The following CCNB3 variants were observed in gnomAD, a reference collection of about 807,000 sequenced individuals.
CCNB3 encodes G2/mitotic-specific cyclin-B3.
A neutral mutation model predicts 68.0 loss-of-function variants in CCNB3; 12 were observed. The ratio of observed to expected loss-of-function variants is 0.18; its 90% confidence interval spans 0.11 to 0.29. The LOEUF (loss-of-function observed/expected upper bound fraction) is 0.29, where lower values mean the gene tolerates loss of function less well. Among genes scored for constraint, CCNB3 ranks in the 10% least tolerant of loss-of-function variants. The pLI, the probability that CCNB3 is intolerant of heterozygous loss-of-function variation, is 1.00. For synonymous variants in CCNB3, 354 were observed against 388.9 expected (o/e 0.91, Z 1.06); for missense variants, 904 against 993.1 (o/e 0.91, Z 1.21).
chrX:50,296,298 T>G (rs1403412098), intron 5 of CCNB3, among the ~76,000 whole-genome samples: 2 of 80,744 alleles, frequency 2.5e-5, no homozygotes, highest in Admixed American at 1.5e-4. Context: ...CCCACAACAG[T>G]CCCCAGTGTG....
Position 50,309,168 on chromosome X carries a change from G to T in CCNB3, c.999G>T (p.Leu333Phe). The T allele has an allele frequency of 1.7e-6, 2 of 1,210,790 alleles. No homozygotes were observed. The highest frequency in any genetic ancestry group is 1.7e-5 in the African/African-American group (1 of 57,696). ...KETLFQELSV[L>F]QEKHTTEHEM... ...CACTTTTCCAAGAGCTATCTGTATT[G>T]CAAGAGAAACACACCACTGAGCATG... The change falls in exon 6 of 13, where the codon TTG becomes TTT. Residue 333 changes from leucine to phenylalanine, a missense_variant. Physicochemically the swap from Leu to Phe is conservative, Grantham distance 22. Coordinates refer to ENST00000376042, the MANE Select transcript of CCNB3 (RefSeq NM_033031.3).
chrX:50,338,551 A>G (rs1266423692), intron 8 of CCNB3, among the ~76,000 whole-genome samples: 1 of 111,959 alleles, frequency 8.9e-6, no homozygotes, highest in Non-Finnish European at 1.9e-5. Context: ...TCTGGTATCT[A>G]TAGATAACAT....
intron 8 of CCNB3, among the ~76,000 whole-genome samples, chrX:50,335,928 C>T (rs1471242151): frequency 9.0e-6 from 1 of 111,398 alleles, no homozygotes; most frequent in Non-Finnish European, 1.9e-5. Flanking sequence ...CTGAGAAGGT[C>T]CATGGTAGAC....
chrX:50,279,838 C>T (rs1343884915), intron 1 of CCNB3, among the ~76,000 whole-genome samples: 2 of 82,290 alleles, frequency 2.4e-5, no homozygotes, highest in East Asian at 3.6e-4. Flanking sequence ...AATACATATA[C>T]TTTATAAATA....
At chrX:50,341,329 CAATA>C (rs199995900) in intron 8 of CCNB3, among the ~76,000 whole-genome samples, 2,573 of 86,691 alleles carry the variant, frequency 0.03, 46 homozygotes, top group East Asian at 0.11. Context: ...AACTCCGTCT[CAATA>C]AATAAATAAA....
In CCNB3 at chrX:50,333,111, G is replaced by A. The variant is rs183431839; in HGVS notation, c.3517-9091G>A. 2.6e-4 allele frequency among the ~76,000 whole-genome samples: 29 copies of A among 111,373 alleles called. No homozygotes were observed. The East Asian group carries it at 7.4e-3, about 28-fold the overall frequency. Reference sequence around the variant, plus strand: ...TCCGATTCATTCGCTCCACCTTTCCGGAACTCTGAGGTCGGTAGGCGGCAT... The same window carrying A: ...TCCGATTCATTCGCTCCACCTTTCCAGAACTCTGAGGTCGGTAGGCGGCAT... On this transcript the variant is annotated intron_variant, in intron 8 of 12. Coordinates refer to ENST00000376042, the MANE Select transcript of CCNB3 (RefSeq NM_033031.3).
At chrX:50,311,846 G>A (rs1233684741) in intron 6 of CCNB3, among the ~76,000 whole-genome samples, 1 of 110,792 alleles carries the variant, frequency 9.0e-6, no homozygotes, top group Non-Finnish European at 1.9e-5. Context: ...TTGACTTCCT[G>A]ATTGGCACAG....
chrX:50,298,733 T>G (rs1234514574), intron 5 of CCNB3, among the ~76,000 whole-genome samples: 1 of 111,591 alleles, frequency 9.0e-6, no homozygotes, highest in Non-Finnish European at 1.9e-5. Context: ...GTACCTCTGG[T>G]AGAATTCGGC....
upstream of CCNB3, among the ~76,000 whole-genome samples, chrX:50,203,708 A>G (rs1935302379): frequency 8.9e-6 from 1 of 111,987 alleles, no homozygotes; most frequent in Non-Finnish European, 1.9e-5. Context: ...GGAGGGGGAA[A>G]ATAAAGGACT....
intron 8 of CCNB3, among the ~76,000 whole-genome samples, chrX:50,327,964 T>C (rs1320647887): frequency 2.7e-5 from 3 of 112,043 alleles, no homozygotes; most frequent in Non-Finnish European, 5.6e-5. Flanking sequence ...CAGAGAGTGA[T>C]ACAATGTGAG....
chrX:50,281,873 A>G (rs1936142431), intron 1 of CCNB3, among the ~76,000 whole-genome samples: 1 of 111,051 alleles, frequency 9.0e-6, no homozygotes, highest in African/African-American at 3.3e-5. Flanking sequence ...GAGGATGGAC[A>G]CGTGTCCTCA....
intron 6 of CCNB3, among the ~76,000 whole-genome samples, chrX:50,312,083 A>T (rs1315239041): frequency 2.7e-5 from 3 of 110,328 alleles, no homozygotes; most frequent in Non-Finnish European, 5.7e-5. Context: ...AATTTGAATA[A>T]TGAAGGGATG....
chrX:50,297,045 G>A, intron 5 of CCNB3, among the ~76,000 whole-genome samples: 1 of 111,235 alleles, frequency 9.0e-6, no homozygotes, highest in East Asian at 2.8e-4. Flanking sequence ...TGTCAGATGA[G>A]TAGGTTGCAA....
rs1557214750 is a variant in CCNB3 at position 50,310,891 on chromosome X, A to C, written c.2722A>C (p.Thr908Pro). 3 of 1,211,139 alleles carry C rather than the reference A, an allele frequency of 2.5e-6. No individual in the cohort carries two copies. The Admixed American group carries it at 6.5e-5, about 26-fold the overall frequency. ...AGAGAAGCCCAGCATTAAGAAAGAG[A>C]CCCTCCTCAAAAAGCCATTAGCCTT... ...LQEKPSIKKE[T>P]LLKKPLALKM... The change falls in exon 6 of 13, where the codon ACC becomes CCC. Residue 908 changes from threonine (T) to proline (P), a missense_variant. This residue lies in a region of CCNB3 where 285 missense variants were observed against 383.4 expected (regional missense o/e 0.74). Transcript: ENST00000376042.
intron 1 of CCNB3, among the ~76,000 whole-genome samples, chrX:50,228,097 A>G (rs1429154889): frequency 2.3e-5 from 2 of 87,622 alleles, no homozygotes; most frequent in East Asian, 3.3e-4. Context: ...GAATATATAT[A>G]ATATATAGAG....
At chrX:50,295,738 A>G (rs782560906) in intron 5 of CCNB3, among the ~76,000 whole-genome samples, 1 of 111,543 alleles carries the variant, frequency 9.0e-6, no homozygotes, top group Non-Finnish European at 1.9e-5. Context: ...GGTATAGAGC[A>G]CAGAACTACA....
At chrX:50,225,103 T>G (rs925711278) in intron 1 of CCNB3, among the ~76,000 whole-genome samples, 2 of 111,499 alleles carry the variant, frequency 1.8e-5, no homozygotes, top group African/African-American at 6.5e-5. Flanking sequence ...GCAGTATTAC[T>G]CCTTAAAAAG....
rs1446887578 is a variant in CCNB3 at position 50,207,923 on chromosome X, A to G, written c.-113+2973A>G. On this transcript the variant is annotated intron_variant, in intron 1 of 12. Coordinates refer to ENST00000376042, the MANE Select transcript of CCNB3 (RefSeq NM_033031.3). ...TCCATCACACTCCAGCCACCCCTCC[A>G]CCCCTATATCTCCCAGCTTTAGGCA... 3.6e-5 allele frequency among the ~76,000 whole-genome samples: 4 copies of G among 110,157 alleles called. No homozygotes were observed. In the Admixed American group the frequency reaches 3.9e-4, roughly 11 times the overall value.
At chrX:50,344,668 TAACA>T (rs1557220046) in intron 9 of CCNB3, among the ~76,000 whole-genome samples, 3 of 111,941 alleles carry the variant, frequency 2.7e-5, no homozygotes, top group African/African-American at 9.8e-5. Flanking sequence ...TCTGCTTATA[TAACA>T]AAGCATTGCC....
Sources: allele counts gnomAD v4.1 joint callset (sites outside exome capture counted in the v4.1 genomes callset), GRCh38; gene constraint gnomAD v4.1.1; regional missense constraint gnomAD v4.1.1; transcripts MANE v1.5; gene names NCBI Gene and HGNC (gene_info 2026-07-23, HGNC 2026-07-21).